Variants in AP2A2 observed in about 807,000 individuals in gnomAD.
AP2A2 encodes the protein adaptor related protein complex 2 subunit alpha 2, also known as AP-2 complex subunit alpha-2.
A neutral mutation model predicts 104.2 loss-of-function variants in AP2A2; 32 were observed. The observed-to-expected ratio is 0.31, with a 90% CI of 0.23 to 0.41. The LOEUF (loss-of-function observed/expected upper bound fraction) is 0.41, where lower values mean the gene tolerates loss of function less well. AP2A2 is among the 10% of genes least tolerant of loss of function. The pLI, the probability that AP2A2 is intolerant of heterozygous loss-of-function variation, is 1.00. For missense variants in AP2A2, 912 were observed against 1,261.0 expected (o/e 0.72, Z 4.19); for synonymous variants, 539 against 533.3 (o/e 1.01, Z -0.15).
At position 993,190 on chromosome 11, in the gene AP2A2, G is replaced by T. The variant is rs1293742722; in HGVS notation, c.1453-94G>T. On this transcript the variant is annotated intron_variant, in intron 11 of 21. Transcript: ENST00000448903. The surrounding 1 kb of genome is among the most constrained non-coding windows in gnomAD (Gnocchi z 8.2). ...GGGTCTCCAGGAAGCTGAGGGGCTG[G>T]TGCTGGTGTAGGGTGCACCGCGCCA... The T allele has an allele frequency of 1.1e-6, 1 of 933,666 alleles. No individual in the cohort carries two copies. The highest frequency in any genetic ancestry group is 1.7e-5 in the African/African-American group (1 of 59,738). The allele number at this position is 933,666 out of a possible 1,614,324, so 57.8% of individuals were successfully genotyped here.
chr11:973,408 C>T (rs1854901531), intron 4 of AP2A2, among the ~76,000 whole-genome samples: 2 of 152,254 alleles, frequency 1.3e-5, no homozygotes, highest in Middle Eastern at 3.4e-3. Flanking sequence ...GAGGCAGCCT[C>T]CTGTCAGCTG....
intron 1 of AP2A2, among the ~76,000 whole-genome samples, chr11:948,772 C>T (rs1286491045): frequency 6.6e-6 from 1 of 151,914 alleles, no homozygotes; most frequent in Non-Finnish European, 1.5e-5. Flanking sequence ...GAGGCTGAGG[C>T]AGGAGAATCT....
chr11:960,867 C>A (rs1854412539), intron 2 of AP2A2, among the ~76,000 whole-genome samples: 1 of 152,062 alleles, frequency 6.6e-6, no homozygotes, highest in South Asian at 2.1e-4. Context: ...CCATGTTGGT[C>A]AGGCTGGTCT....
chr11:954,024 G>A (rs550412248), intron 1 of AP2A2, among the ~76,000 whole-genome samples: 3 of 151,986 alleles, frequency 2.0e-5, no homozygotes, highest in African/African-American at 4.8e-5. Context: ...TAGTAGAGAC[G>A]AGGTTTCACC....
chr11:976,638 A>G (rs923702793), intron 4 of AP2A2, among the ~76,000 whole-genome samples: 1 of 146,540 alleles, frequency 6.8e-6, no homozygotes, highest in African/African-American at 2.5e-5. Flanking sequence ...CCTTTGCTCC[A>G]GGGGCAAGGG....
intron 14 of AP2A2, among the ~76,000 whole-genome samples, chr11:994,842 C>T (rs1403837127): frequency 7.6e-6 from 1 of 132,102 alleles, no homozygotes; most frequent in East Asian, 2.3e-4. Flanking sequence ...TGGCCTGTCC[C>T]GGGGGCCACT....
chr11:958,707 G>A (rs1400620615), intron 1 of AP2A2, among the ~76,000 whole-genome samples: 1 of 152,120 alleles, frequency 6.6e-6, no homozygotes, highest in African/African-American at 2.4e-5. Flanking sequence ...TTCTCTTGTA[G>A]GAGTGCTAAT....
At chr11:926,570 C>T (rs1360040859) in intron 1 of AP2A2, among the ~76,000 whole-genome samples, 2 of 152,156 alleles carry the variant, frequency 1.3e-5, no homozygotes, top group Admixed American at 6.5e-5. Context: ...GAGCGTTTAA[C>T]CCAGCGTTTT....
chr11:971,888 G>C (rs1854842960), intron 3 of AP2A2, among the ~76,000 whole-genome samples, 174 bp from the exon 4 acceptor site: 1 of 152,156 alleles, frequency 6.6e-6, no homozygotes, highest in Admixed American at 6.5e-5. Context: ...GGTTCCACTG[G>C]AACAGACGTT....
At chr11:1,010,265 G>T in intron 21 of AP2A2, 1 of 547,386 alleles carries the variant, frequency 1.8e-6, no homozygotes, top group South Asian at 2.7e-5. Context: ...CTGTCGCCCA[G>T]GGCCTGTGTG....
At chr11:927,652 C>CA (rs1201245915) in intron 1 of AP2A2, among the ~76,000 whole-genome samples, 1 of 151,424 alleles carries the variant, frequency 6.6e-6, no homozygotes, top group Non-Finnish European at 1.5e-5. Context: ...CCTGTCTCTA[C>CA]AAAAAAATAC....
chr11:993,993 G>T lies in AP2A2; in HGVS notation c.1782+8G>T. 1 of 1,609,542 alleles carries T rather than the reference G, an allele frequency of 6.2e-7. No homozygotes were observed. Among genetic ancestry groups the T allele is most frequent in the South Asian group, 1.1e-5 (1 of 90,968 alleles). Reference sequence around the variant, plus strand: ...GCCAGCACCGACATTCTGGTAGGAGGCCCCCGCCCTTCGGGCTGGCTTGGC... The same window carrying T: ...GCCAGCACCGACATTCTGGTAGGAGTCCCCCGCCCTTCGGGCTGGCTTGGC... On this transcript the variant is annotated splice_region_variant and intron_variant, in intron 13 of 21. Coordinates refer to ENST00000448903, the MANE Select transcript of AP2A2 (RefSeq NM_012305.4). The surrounding 1 kb of genome is among the most constrained non-coding windows in gnomAD (Gnocchi z 8.2).
intron 1 of AP2A2, among the ~76,000 whole-genome samples, chr11:945,393 G>T (rs936209195): frequency 6.6e-6 from 1 of 152,164 alleles, no homozygotes; most frequent in African/African-American, 2.4e-5. Flanking sequence ...GAGTGCAGTG[G>T]TATGATCTCA....
chr11:966,296 C>T (rs1047286765), intron 2 of AP2A2, among the ~76,000 whole-genome samples: 3 of 152,118 alleles, frequency 2.0e-5, no homozygotes, highest in African/African-American at 7.2e-5. Flanking sequence ...AGTTCAAGAC[C>T]ATCCTGGGCA....
intron 14 of AP2A2, chr11:995,425 C>T (rs746694645): frequency 6.6e-6 from 3 of 455,682 alleles, no homozygotes; most frequent in South Asian, 3.1e-5. Flanking sequence ...GGGCTCCTGT[C>T]GGGGTCAGGC....
chr11:1,001,300 A>C (rs1856023720), intron 15 of AP2A2: 1 of 152,300 alleles, frequency 6.6e-6, no homozygotes, highest in Non-Finnish European at 1.5e-5. Flanking sequence ...TCAGCTGTGC[A>C]TTCCGCTTAC....
At chr11:954,169 G>A (rs1214300433) in intron 1 of AP2A2, among the ~76,000 whole-genome samples, 5 of 152,108 alleles carry the variant, frequency 3.3e-5, no homozygotes, top group African/African-American at 7.2e-5. Flanking sequence ...GAGGTTGTAC[G>A]GCCGTTGGTG....
At position 968,684 on chromosome 11, in the gene AP2A2, G is replaced by A. The variant is rs996379802; in HGVS notation, c.137-1485G>A. 6.6e-6 allele frequency among the ~76,000 whole-genome samples: 1 copy of A among 151,992 alleles called. No individual in the cohort carries two copies. Among genetic ancestry groups the A allele is most frequent in the Non-Finnish European group, 1.5e-5 (1 of 68,000 alleles). On this transcript the variant is annotated intron_variant, in intron 2 of 21. Transcript: ENST00000448903. This position sits in a 1 kb window ranked among gnomAD's most constrained non-coding sequence, Gnocchi z 4.2. ...GGCTTCCCAGTGGAGGATCTCTGCT[G>A]CGCAGCCCGTGCTCAGCTGTGTGTG...
rs1342888566 is a variant in AP2A2 at position 926,097 on chromosome 11, C to A, written c.67+9C>A. 2 of 1,302,682 alleles carry A rather than the reference C, an allele frequency of 1.5e-6. No homozygotes were observed. The highest frequency in any genetic ancestry group is 2.0e-6 in the Non-Finnish European group (2 of 1,012,928). 80.7% of individuals were successfully genotyped at this position (1,302,682 alleles called of 1,614,324 possible). A position where few individuals can be genotyped will look rare whatever the true frequency, so the allele number is the denominator to read the frequency against. ...CTCGGATATCCGCAACTGTGAGTGGCGGGGGCGGCGTGGGGCCGGGGCCGG... is the reference window on the plus strand; with the variant it reads ...CTCGGATATCCGCAACTGTGAGTGGAGGGGGCGGCGTGGGGCCGGGGCCGG... On this transcript the variant is annotated intron_variant, in intron 1 of 21. Transcript: ENST00000448903.
Sources: allele counts gnomAD v4.1 joint callset (sites outside exome capture counted in the v4.1 genomes callset), GRCh38; gene constraint gnomAD v4.1.1; non-coding constraint Gnocchi (gnomAD v3.1); transcripts MANE v1.5; gene names NCBI Gene and HGNC (gene_info 2026-07-23, HGNC 2026-07-21).